Variants in CRYL1 observed in about 807,000 individuals in gnomAD.
The protein encoded by CRYL1 is crystallin lambda 1.
Under a neutral mutation model 36.6 loss-of-function variants are expected in CRYL1, and 29 were observed. That is an observed-to-expected ratio of 0.79 (90% CI 0.59 to 1.08). The LOEUF is 1.08. CRYL1 is among the 50% of genes least tolerant of loss of function. The pLI is 0.00. For synonymous variants in CRYL1, 152 were observed against 151.5 expected (o/e 1.00, Z -0.02); for missense variants, 411 against 407.9 (o/e 1.01, Z -0.06).
chr13:20,473,539 G>A (rs1285535731), intron 3 of CRYL1, among the ~76,000 whole-genome samples: 1 of 152,256 alleles, frequency 6.6e-6, no homozygotes, highest in Non-Finnish European at 1.5e-5. Context: ...GGGCGCCAAG[G>A]ATGGCGCTCC....
intron 2 of CRYL1, among the ~76,000 whole-genome samples, chr13:20,505,370 A>G (rs994345537): frequency 6.6e-6 from 1 of 151,616 alleles, no homozygotes; most frequent in Non-Finnish European, 1.5e-5. Context: ...AAAAAAAAAA[A>G]AAAAAAAAAA....
At position 20,476,621 on chromosome 13, in the gene CRYL1, A is replaced by G. The variant is rs60173255; in HGVS notation, c.276+12749T>C. 1.9e-3 allele frequency among the ~76,000 whole-genome samples: 285 copies of G among 152,362 alleles called. 2 individuals carry two copies. Among genetic ancestry groups the G allele is most frequent in the African/African-American group, 6.7e-3 (278 of 41,588 alleles). ...CCGCTAGGTGAGCAGCAGGGAGCCC[A>G]AGCCGGAAGAAAAACATGCAGCAGG... On this transcript the variant is annotated intron_variant, in intron 3 of 7. Transcript: ENST00000298248.
Position 20,460,683 on chromosome 13 carries a change from G to GCA in CRYL1, c.277-20930_277-20929insTG, listed in dbSNP as rs2032796617. ...CGGGACTACAGGCGCCCGCCACTAC[G>GCA]CCCGGCTAATTTTTTGTATTTTTAG... On this transcript the variant is annotated intron_variant, in intron 3 of 7. Coordinates refer to ENST00000298248, the MANE Select transcript of CRYL1 (RefSeq NM_015974.3). Among the ~76,000 whole-genome samples the GCA allele has an allele frequency of 1.5e-4, 23 of 151,892 alleles. No homozygotes were observed. The South Asian group carries it at 4.8e-3, about 32-fold the overall frequency.
intron 1 of CRYL1, among the ~76,000 whole-genome samples, chr13:20,513,063 T>C (rs961256149): frequency 1.3e-5 from 2 of 152,204 alleles, no homozygotes; most frequent in African/African-American, 2.4e-5. Context: ...CATAAGTATG[T>C]AGGAATATTA....
At position 20,413,277 on chromosome 13, in the gene CRYL1, C is replaced by T. The variant is rs912398947; in HGVS notation, c.739+5G>A. 1.3e-6 allele frequency: 2 copies of T among 1,584,332 alleles called. No homozygotes were observed. The highest frequency in any genetic ancestry group is 2.7e-5 in the African/African-American group (2 of 74,296). On this transcript the variant is annotated splice_donor_5th_base_variant and intron_variant, in intron 6 of 7. Transcript: ENST00000298248. ...GGAATTCCCATCCTGGCCCCAGATG[C>T]ATACCTTCTGCATTGAGATGCATGG...
intron 2 of CRYL1, among the ~76,000 whole-genome samples, chr13:20,491,244 T>A (rs2033506832): frequency 6.6e-6 from 1 of 152,198 alleles, no homozygotes; most frequent in African/African-American, 2.4e-5. Context: ...ATCTTTGAGA[T>A]GTTTTTCTCA....
intron 2 of CRYL1, 39 bp downstream of exon 2, chr13:20,512,404 C>G (rs185656780): frequency 1.4e-6 from 2 of 1,398,916 alleles, no homozygotes; most frequent in Non-Finnish European, 2.0e-6. Context: ...GAGAAACAGA[C>G]CCACTTCCAT....
chr13:20,466,989 C>A (rs2032950820), intron 3 of CRYL1, among the ~76,000 whole-genome samples: 1 of 151,932 alleles, frequency 6.6e-6, no homozygotes, highest in Non-Finnish European at 1.5e-5. Flanking sequence ...ACTCTGTTGC[C>A]CAGGCTGGAG....
At chr13:20,452,071 G>T (rs1418986905) in intron 3 of CRYL1, among the ~76,000 whole-genome samples, 1 of 151,922 alleles carries the variant, frequency 6.6e-6, no homozygotes, top group East Asian at 1.9e-4. Context: ...CTTATAAGTG[G>T]GAGCTAAACA....
At chr13:20,487,435 G>A (rs780597604) in intron 3 of CRYL1, among the ~76,000 whole-genome samples, 1 of 152,160 alleles carries the variant, frequency 6.6e-6, no homozygotes, top group African/African-American at 2.4e-5. Context: ...AGGTAACATG[G>A]TCTGGGAACT....
chr13:20,444,786 G>C (rs945227012), intron 3 of CRYL1, among the ~76,000 whole-genome samples: 1 of 152,114 alleles, frequency 6.6e-6, no homozygotes, highest in African/African-American at 2.4e-5. Flanking sequence ...GTGCGATCTC[G>C]GCTCACTGCA....
chr13:20,452,832 CCTT>C (rs977234706), intron 3 of CRYL1, among the ~76,000 whole-genome samples: 4 of 152,072 alleles, frequency 2.6e-5, no homozygotes, highest in East Asian at 1.9e-4. Context: ...AATCTCTGTC[CCTT>C]CTTCTTAATT....
At chr13:20,496,096 C>T (rs1428019257) in intron 2 of CRYL1, among the ~76,000 whole-genome samples, 4 of 152,120 alleles carry the variant, frequency 2.6e-5, no homozygotes, top group African/African-American at 9.7e-5. Flanking sequence ...CCACCTCGCC[C>T]GGCCTAGGAT....
chr13:20,478,489 T>C (rs1393157240), intron 3 of CRYL1, among the ~76,000 whole-genome samples: 2 of 152,140 alleles, frequency 1.3e-5, no homozygotes, highest in Non-Finnish European at 2.9e-5. Context: ...TGTTTGTTTG[T>C]TTTTGAAACA....
chr13:20,482,976 G>A (rs999124551), intron 3 of CRYL1, among the ~76,000 whole-genome samples: 8 of 152,158 alleles, frequency 5.3e-5, no homozygotes, highest in South Asian at 2.1e-4. Flanking sequence ...ACTCATGTAG[G>A]GGAGCTAAAG....
chr13:20,460,523 T>A, intron 3 of CRYL1, among the ~76,000 whole-genome samples: 1 of 118,650 alleles, frequency 8.4e-6, no homozygotes, highest in Admixed American at 8.5e-5. Flanking sequence ...TTTTTTTTTT[T>A]TTTTTTTTTT....
chr13:20,460,972 G>T (rs1193033276), intron 3 of CRYL1, among the ~76,000 whole-genome samples: 1 of 152,004 alleles, frequency 6.6e-6, no homozygotes, highest in African/African-American at 2.4e-5. Context: ...TCCCAGCGGC[G>T]CCCTCCCCTG....
intron 5 of CRYL1, among the ~76,000 whole-genome samples, chr13:20,421,412 A>G (rs557322000): frequency 1.3e-5 from 2 of 152,112 alleles, no homozygotes; most frequent in Non-Finnish European, 2.9e-5. Flanking sequence ...CCCTGACTCC[A>G]AAAACAGCCA....
Position 20,492,183 on chromosome 13 carries a change from G to C in CRYL1, c.150-2687C>G, listed in dbSNP as rs1358662362. Reference sequence around the variant, plus strand: ...TATTCAGGAAAAGAGAGCACCATGTGATCCAAAGCTCATTTATCATTCACT... The same window carrying C: ...TATTCAGGAAAAGAGAGCACCATGTCATCCAAAGCTCATTTATCATTCACT... On this transcript the variant is annotated intron_variant, in intron 2 of 7. Coordinates refer to ENST00000298248, the MANE Select transcript of CRYL1 (RefSeq NM_015974.3). Among the ~76,000 whole-genome samples, 4 of 152,286 alleles carry C rather than the reference G, an allele frequency of 2.6e-5. No individual in the cohort carries two copies. The East Asian group carries it at 7.7e-4, about 29-fold the overall frequency.
Sources: allele counts gnomAD v4.1 joint callset (sites outside exome capture counted in the v4.1 genomes callset), GRCh38; gene constraint gnomAD v4.1.1; transcripts MANE v1.5; gene names NCBI Gene and HGNC (gene_info 2026-07-23, HGNC 2026-07-21).